Variants in ATP8A1 observed in about 807,000 individuals in gnomAD.
ATP8A1 encodes the protein ATPase phospholipid transporting 8A1, also known as phospholipid-transporting ATPase IA.
ATP8A1 carries 90 observed loss-of-function variants against 177.7 expected under a neutral mutation model. That is an observed-to-expected ratio of 0.51 (90% CI 0.43 to 0.60). The LOEUF is 0.60. Ranked by LOEUF, ATP8A1 falls within the 20% of genes least tolerant of loss-of-function variation. ATP8A1 has a pLI of 0.00. For synonymous variants in ATP8A1, 493 were observed against 485.9 expected, an observed-to-expected ratio of 1.01 and a Z score of -0.19; for missense variants, 1,072 against 1,392.8, an observed-to-expected ratio of 0.77 and a Z score of 3.67.
chr4:42,467,950 GT>G (rs748475686), intron 25 of ATP8A1, among the ~76,000 whole-genome samples: 9 of 152,074 alleles, frequency 5.9e-5, no homozygotes, highest in African/African-American at 9.7e-5. Flanking sequence ...CACTCTGTGG[GT>G]TGTCTGTTTA....
intron 17 of ATP8A1, among the ~76,000 whole-genome samples, chr4:42,552,123 A>T (rs146277919): frequency 6.6e-6 from 1 of 152,338 alleles, no homozygotes; most frequent in Non-Finnish European, 1.5e-5. Flanking sequence ...AAGTTATATA[A>T]GCTTACTATA....
chr4:42,603,928 C>T (rs567786751), intron 5 of ATP8A1, among the ~76,000 whole-genome samples: 36 of 152,322 alleles, frequency 2.4e-4, no homozygotes, highest in African/African-American at 7.9e-4. Context: ...TCACCCCTTG[C>T]TCAGAACTCT....
intron 35 of ATP8A1, 88 bp from the exon 36 acceptor site, chr4:42,414,806 T>C (rs1324026451): frequency 2.1e-6 from 2 of 949,422 alleles, no homozygotes; most frequent in Non-Finnish European, 1.7e-6. Flanking sequence ...AGAGTTAGAC[T>C]TAAACAAAAG....
intron 5 of ATP8A1, among the ~76,000 whole-genome samples, chr4:42,615,465 T>C (rs1479620440): frequency 6.6e-6 from 1 of 152,096 alleles, no homozygotes; most frequent in Non-Finnish European, 1.5e-5. Context: ...AAAAAAAATC[T>C]TAGAGCATGA....
At chr4:42,439,947 T>C (rs1446120056) in intron 33 of ATP8A1, among the ~76,000 whole-genome samples, 1 of 152,210 alleles carries the variant, frequency 6.6e-6, no homozygotes, top group African/African-American at 2.4e-5. Flanking sequence ...ATGAGTCAGA[T>C]AGTGATGTCA....
Position 42,543,942 on chromosome 4 carries a change from T to C in ATP8A1, c.1697A>G (p.Lys566Arg), listed in dbSNP as rs201550968. The change falls in exon 20 of 37, where the codon AAG becomes AGG. Residue 566 changes from lysine (K) to arginine (R), a missense_variant. Transcript: ENST00000381668. ...AGCTCCTTTGCAGTAGAGTCGTAAC[T>C]TTCCAGATGGAGTGCGAACAATCAC... ...MSVIVRTPSGKLRLYCKGADT... is the reference protein window; with the variant it reads ...MSVIVRTPSGRLRLYCKGADT... 1.4e-4 allele frequency: 224 copies of C among 1,612,854 alleles called. No homozygotes were observed. The highest frequency in any genetic ancestry group is 1.9e-4 in the Non-Finnish European group (220 of 1,179,602).
At chr4:42,587,442 G>A (rs1274495213) in intron 8 of ATP8A1, among the ~76,000 whole-genome samples, 2 of 151,440 alleles carry the variant, frequency 1.3e-5, no homozygotes, top group African/African-American at 4.9e-5. Context: ...TGAGTAGCTG[G>A]GATTACAGGC....
chr4:42,531,210 T>A (rs550235141), intron 20 of ATP8A1, among the ~76,000 whole-genome samples: 160 of 152,144 alleles, frequency 1.1e-3, no homozygotes, highest in African/African-American at 3.6e-3. Flanking sequence ...GTGATTAAGG[T>A]CAATGGGAAA....
intron 22 of ATP8A1, among the ~76,000 whole-genome samples, chr4:42,513,026 A>C (rs1725171376): frequency 1.3e-5 from 2 of 152,234 alleles, no homozygotes; most frequent in African/African-American, 4.8e-5. Context: ...GCTGTGTTCC[A>C]GTAAAGCTTT....
At chr4:42,413,724 C>CCG (rs1712894791) in intron 36 of ATP8A1, among the ~76,000 whole-genome samples, 2 of 152,100 alleles carry the variant, frequency 1.3e-5, no homozygotes, top group Non-Finnish European at 2.9e-5. Context: ...TTTTTTTCCC[C>CCG]CTTGAATATA....
intron 28 of ATP8A1, 43 bp from the exon 29 acceptor site, chr4:42,455,462 AG>A: frequency 6.2e-7 from 1 of 1,613,718 alleles, no homozygotes; most frequent in Non-Finnish European, 8.5e-7. Flanking sequence ...AGCCAAATGC[AG>A]GGTGAACCTT....
At chr4:42,483,080 G>A (rs1444257722) in intron 25 of ATP8A1, among the ~76,000 whole-genome samples, 1 of 152,176 alleles carries the variant, frequency 6.6e-6, no homozygotes, top group Non-Finnish European at 1.5e-5. Flanking sequence ...TAATTGGAAA[G>A]AATGATACAC....
chr4:42,587,914 C>T (rs1343654961), intron 8 of ATP8A1, among the ~76,000 whole-genome samples: 1 of 152,136 alleles, frequency 6.6e-6, no homozygotes, highest in African/African-American at 2.4e-5. Context: ...GGCCCTTGTA[C>T]AGCTTTTTAA....
intron 25 of ATP8A1, among the ~76,000 whole-genome samples, chr4:42,468,693 C>T (rs889285498): frequency 3.3e-5 from 5 of 152,132 alleles, no homozygotes; most frequent in South Asian, 4.1e-4. Flanking sequence ...GGGAGGGGGA[C>T]TACAAATTGG....
intron 25 of ATP8A1, among the ~76,000 whole-genome samples, chr4:42,475,559 C>CAGTATAT (rs1720969255): frequency 2.0e-5 from 3 of 149,312 alleles, no homozygotes; most frequent in African/African-American, 7.4e-5. Flanking sequence ...TTATATATGA[C>CAGTATAT]AGTATATAAT....
intron 24 of ATP8A1, among the ~76,000 whole-genome samples, chr4:42,502,474 T>C (rs1220065983): frequency 6.6e-6 from 1 of 152,120 alleles, no homozygotes; most frequent in Non-Finnish European, 1.5e-5. Context: ...ATGGCAAGAA[T>C]AAGACAAAAG....
At chr4:42,481,905 T>C (rs1227816978) in intron 25 of ATP8A1, among the ~76,000 whole-genome samples, 1 of 152,216 alleles carries the variant, frequency 6.6e-6, no homozygotes, top group Non-Finnish European at 1.5e-5. Context: ...GAGCAGTTTA[T>C]AACTGGGAAA....
chr4:42,460,304 G>T lies in ATP8A1; in HGVS notation c.2619+4386C>A, dbSNP rs113560587. Reference sequence around the variant, plus strand: ...ACCAGCCCCCAACGAAAGTGTCAACGTACTGACTTTGTTTATACTGTTACT... The same window carrying T: ...ACCAGCCCCCAACGAAAGTGTCAACTTACTGACTTTGTTTATACTGTTACT... On this transcript the variant is annotated intron_variant, in intron 27 of 36. Transcript: ENST00000381668. Among the ~76,000 whole-genome samples, 1,258 of 150,466 alleles carry T rather than the reference G, an allele frequency of 8.4e-3. 8 individuals are homozygous for T. The highest frequency in any genetic ancestry group is 0.028 in the African/African-American group (1,139 of 41,074).
intron 5 of ATP8A1, among the ~76,000 whole-genome samples, chr4:42,607,340 C>G (rs1026695712): frequency 1.3e-5 from 2 of 152,150 alleles, no homozygotes; most frequent in African/African-American, 4.8e-5. Flanking sequence ...AAAAAAGTTT[C>G]CATACAAATC....
Sources: gnomAD v4.1 joint callset for allele counts (sites outside exome capture counted in the v4.1 genomes callset) on GRCh38, gnomAD v4.1.1 for gene constraint, MANE v1.5 for transcripts, NCBI Gene and HGNC (gene_info 2026-07-23, HGNC 2026-07-21) for gene names.